NCAM2: variants seen among roughly 807,000 people sequenced by gnomAD.
NCAM2 encodes the protein neural cell adhesion molecule 2.
In NCAM2, 30 loss-of-function variants were observed where a neutral mutation model predicts 98.1. That is an observed-to-expected ratio of 0.31 (90% CI 0.23 to 0.41). The LOEUF (loss-of-function observed/expected upper bound fraction) is 0.41. Among genes scored for constraint, NCAM2 ranks in the 10% least tolerant of loss-of-function variants. NCAM2 has a pLI of 1.00. For synonymous variants in NCAM2, 368 were observed against 342.4 expected, an observed-to-expected ratio of 1.07 and a Z score of -0.83; for missense variants, 867 against 1,005.8, an observed-to-expected ratio of 0.86 and a Z score of 1.87.
At chr21:21,426,182 G>A (rs1016674617) in intron 11 of NCAM2, among the ~76,000 whole-genome samples, 11 of 152,092 alleles carry the variant, frequency 7.2e-5, no homozygotes, top group Non-Finnish European at 1.5e-5. Context: ...CATATAAAAT[G>A]TGGAGGGAAA....
At chr21:21,400,097 A>T (rs564383890) in intron 9 of NCAM2, among the ~76,000 whole-genome samples, 2 of 152,180 alleles carry the variant, frequency 1.3e-5, no homozygotes, top group African/African-American at 2.4e-5. Context: ...ACACCCTATT[A>T]TAGTTTCTTT....
chr21:21,502,576 A>C (rs1987708068), intron 15 of NCAM2, among the ~76,000 whole-genome samples: 1 of 151,896 alleles, frequency 6.6e-6, no homozygotes, highest in Non-Finnish European at 1.5e-5. Flanking sequence ...CTTAGGCCAA[A>C]ATTTTCCAAA....
intron 1 of NCAM2, among the ~76,000 whole-genome samples, chr21:21,083,463 C>G (rs1036923229): frequency 7.9e-5 from 12 of 151,400 alleles, no homozygotes; most frequent in African/African-American, 2.7e-4. Flanking sequence ...TCTGGTTGCC[C>G]AGGCTGGAGT....
intron 1 of NCAM2, among the ~76,000 whole-genome samples, chr21:21,228,472 G>A (rs1407009344): frequency 6.6e-6 from 1 of 151,194 alleles, no homozygotes; most frequent in Non-Finnish European, 1.5e-5. Context: ...TTAGAGAATA[G>A]ATAAACTACA....
intron 16 of NCAM2, among the ~76,000 whole-genome samples, chr21:21,529,710 G>A (rs961426763): frequency 3.1e-4 from 47 of 151,738 alleles, no homozygotes; most frequent in African/African-American, 1.1e-3. Flanking sequence ...TCTGACAGGG[G>A]CAGAGTGCAT....
chr21:21,367,357 T>G (rs993846821), intron 8 of NCAM2, among the ~76,000 whole-genome samples: 1 of 151,960 alleles, frequency 6.6e-6, no homozygotes, highest in African/African-American at 2.4e-5. Context: ...GACAAGGAGT[T>G]ATGTGAAATG....
rs562271097 is a variant in NCAM2 at position 21,393,762 on chromosome 21, A to T, written c.1196-16512A>T. On this transcript the variant is annotated intron_variant, in intron 9 of 17. Transcript: ENST00000400546. ...TTTGTTTTCTAAATACATAGGTGAA[A>T]TTATACTTAAAAATGATACAGCTAT... Among the ~76,000 whole-genome samples, 4 of 152,280 alleles carry T rather than the reference A, an allele frequency of 2.6e-5. No individual in the cohort carries two copies. The East Asian group carries it at 7.7e-4, about 29-fold the overall frequency.
intron 1 of NCAM2, among the ~76,000 whole-genome samples, chr21:21,150,954 T>A (rs1418077012): frequency 2.8e-5 from 4 of 142,654 alleles, no homozygotes; most frequent in East Asian, 2.1e-4. Context: ...TTGGCTAACT[T>A]TTTTTTGTGG....
rs372667078 is a variant in NCAM2 at position 21,222,129 on chromosome 21, A to G, written c.56-58449A>G. On this transcript the variant is annotated intron_variant, in intron 1 of 17. Transcript: ENST00000400546. ...GATGTACTGAATATTTTAAGCCTAC[A>G]GTTGAGACCTACTACGCAAGAAAAA... 3.3e-5 allele frequency among the ~76,000 whole-genome samples: 5 copies of G among 152,204 alleles called. No individual in the cohort carries two copies. The South Asian group carries it at 1.0e-3, about 31-fold the overall frequency.
Position 21,269,148 on chromosome 21 carries a change from A to T in NCAM2, c.56-11430A>T, listed in dbSNP as rs1385256417. Among the ~76,000 whole-genome samples, 4 of 152,270 alleles carry T rather than the reference A, an allele frequency of 2.6e-5. No homozygotes were observed. The South Asian group carries it at 8.3e-4, about 32-fold the overall frequency. On this transcript the variant is annotated intron_variant, in intron 1 of 17. Coordinates refer to ENST00000400546, the MANE Select transcript of NCAM2 (RefSeq NM_004540.5). ...CTGTCATCCTTTCCCTATCTTTATG[A>T]ATACTTTGGAGTGCATTCTTTGTAA...
At chr21:21,511,289 C>G (rs766497391) in intron 16 of NCAM2, among the ~76,000 whole-genome samples, 1 of 151,974 alleles carries the variant, frequency 6.6e-6, no homozygotes, top group Non-Finnish European at 1.5e-5. Context: ...TCCTTGTTAC[C>G]TTTGCTAGCC....
At chr21:21,352,781 A>G (rs2075376318) in intron 8 of NCAM2, among the ~76,000 whole-genome samples, 1 of 149,390 alleles carries the variant, frequency 6.7e-6, no homozygotes, top group Admixed American at 6.7e-5. Context: ...GTTGTTGCAC[A>G]TGTACCCTAA....
intron 9 of NCAM2, among the ~76,000 whole-genome samples, chr21:21,379,434 C>A (rs922786904): frequency 1.9e-4 from 29 of 152,062 alleles, no homozygotes; most frequent in Admixed American, 9.2e-4. Context: ...TTTAACGGAA[C>A]CCCCCAATAT....
At chr21:21,175,547 A>AT (rs1018977606) in intron 1 of NCAM2, among the ~76,000 whole-genome samples, 54 of 152,216 alleles carry the variant, frequency 3.5e-4, no homozygotes, top group African/African-American at 1.2e-3. Context: ...AAAATAAAAA[A>AT]AAATAAAATA....
chr21:21,114,976 A>G (rs1286908541), intron 1 of NCAM2, among the ~76,000 whole-genome samples: 2 of 151,862 alleles, frequency 1.3e-5, no homozygotes, highest in African/African-American at 2.4e-5. Context: ...GCCTGCCACC[A>G]CGCCCAGCTA....
At chr21:21,522,241 T>G (rs1186166691) in intron 16 of NCAM2, among the ~76,000 whole-genome samples, 1 of 137,860 alleles carries the variant, frequency 7.3e-6, no homozygotes, top group East Asian at 2.4e-4. Flanking sequence ...TTTATGAAGA[T>G]GAATATATAT....
intron 1 of NCAM2, among the ~76,000 whole-genome samples, chr21:21,214,628 G>A (rs1157279400): frequency 6.7e-6 from 1 of 150,372 alleles, no homozygotes; most frequent in Non-Finnish European, 1.5e-5. Flanking sequence ...TATTTGACAT[G>A]TAATTTGGGC....
intron 1 of NCAM2, among the ~76,000 whole-genome samples, chr21:21,000,548 C>G (rs1289450589): frequency 6.6e-6 from 1 of 151,968 alleles, no homozygotes; most frequent in African/African-American, 2.4e-5. Flanking sequence ...ATTTGTAAGT[C>G]AGGATACGAG....
intron 1 of NCAM2, among the ~76,000 whole-genome samples, chr21:21,151,849 C>A (rs540941559): frequency 6.6e-6 from 1 of 151,844 alleles, no homozygotes; most frequent in Non-Finnish European, 1.5e-5. Context: ...CTTATTTGTT[C>A]TTTTGTGCAT....
Sources: gnomAD v4.1 joint callset for allele counts (sites outside exome capture counted in the v4.1 genomes callset) on GRCh38, gnomAD v4.1.1 for gene constraint, MANE v1.5 for transcripts, NCBI Gene and HGNC (gene_info 2026-07-23, HGNC 2026-07-21) for gene names.